UNC13C: variants seen among roughly 807,000 people sequenced by gnomAD.
UNC13C encodes unc-13 homolog C.
Under a neutral mutation model 245.4 loss-of-function variants are expected in UNC13C, and 174 were observed. The observed-to-expected ratio is 0.71, with a 90% CI of 0.63 to 0.80. The LOEUF (loss-of-function observed/expected upper bound fraction) is 0.80, where lower values mean the gene tolerates loss of function less well. UNC13C is among the 30% of genes least tolerant of loss of function. The probability of loss-of-function intolerance (pLI) is 0.00; values close to 1 mark genes in which losing one functional copy is unlikely to be tolerated. For synonymous variants in UNC13C, 992 were observed against 895.1 expected, an observed-to-expected ratio of 1.11 and a Z score of -1.93; for missense variants, 2,829 against 2,602.9, an observed-to-expected ratio of 1.09 and a Z score of -1.89.
intron 13 of UNC13C, among the ~76,000 whole-genome samples, chr15:54,316,372 A>C (rs1194240166): frequency 1.3e-5 from 2 of 151,676 alleles, no homozygotes; most frequent in African/African-American, 2.4e-5. Flanking sequence ...TCTGGAATAC[A>C]TTCTTTATCC....
chr15:54,238,377 T>C (rs1204158725), intron 7 of UNC13C, among the ~76,000 whole-genome samples: 1 of 152,074 alleles, frequency 6.6e-6, no homozygotes, highest in Non-Finnish European at 1.5e-5. Context: ...CCGGCCCTTT[T>C]ATAGCATTTA....
At chr15:54,199,054 A>T (rs569382870) in intron 4 of UNC13C, among the ~76,000 whole-genome samples, 20 of 151,944 alleles carry the variant, frequency 1.3e-4, no homozygotes, top group Non-Finnish European at 2.9e-4. Flanking sequence ...TACACTGGAA[A>T]CTCTCAGCAA....
intron 2 of UNC13C, among the ~76,000 whole-genome samples, chr15:54,027,242 T>A (rs1896150102): frequency 6.6e-6 from 1 of 152,044 alleles, no homozygotes; most frequent in Admixed American, 6.5e-5. Context: ...AGAGGCCACC[T>A]TTTCTGTGTC....
Position 54,325,584 on chromosome 15 carries a change from C to T in UNC13C, c.4425+3489C>T, listed in dbSNP as rs1000981074. 4.6e-5 allele frequency among the ~76,000 whole-genome samples: 7 copies of T among 152,018 alleles called. No individual in the cohort carries two copies. In the East Asian group the frequency reaches 5.8e-4, roughly 13 times the overall value. On this transcript the variant is annotated intron_variant, in intron 14 of 32. Coordinates refer to ENST00000260323, the MANE Select transcript of UNC13C (RefSeq NM_001080534.3). ...CAGCCCCTCACCCCTCGACAGGCCC[C>T]GGTGTGTGATGTTCCCCTCCCTGCA... is the stretch of plus-strand genomic sequence containing the variant.
chr15:54,510,991 G>A (rs1359232130), intron 23 of UNC13C, among the ~76,000 whole-genome samples: 2 of 152,074 alleles, frequency 1.3e-5, no homozygotes, highest in Non-Finnish European at 2.9e-5. Context: ...TGGCTCCTTG[G>A]AAACAAGTGG....
At chr15:54,348,892 C>A (rs967823741) in intron 17 of UNC13C, among the ~76,000 whole-genome samples, 8 of 151,590 alleles carry the variant, frequency 5.3e-5, no homozygotes, top group Non-Finnish European at 1.2e-4. Context: ...ATAATATGTC[C>A]CTGACTTTTC....
At chr15:54,126,628 C>G (rs1006710544) in intron 2 of UNC13C, among the ~76,000 whole-genome samples, 6 of 152,066 alleles carry the variant, frequency 3.9e-5, no homozygotes, top group African/African-American at 1.4e-4. Context: ...GTAGGCAATA[C>G]CATTCAGGAT....
intron 26 of UNC13C, among the ~76,000 whole-genome samples, chr15:54,538,823 C>T: frequency 6.6e-6 from 1 of 151,894 alleles, no homozygotes; most frequent in East Asian, 1.9e-4. Flanking sequence ...AAGAAGGGAA[C>T]AATAGACACT....
chr15:54,474,175 AG>A (rs1892606163), intron 19 of UNC13C, among the ~76,000 whole-genome samples: 1 of 151,748 alleles, frequency 6.6e-6, no homozygotes, highest in Non-Finnish European at 1.5e-5. Context: ...TTTTTTTGGG[AG>A]GGGTGGTAAA....
At chr15:54,529,537 C>T (rs1255219161) in intron 25 of UNC13C, among the ~76,000 whole-genome samples, 1 of 151,988 alleles carries the variant, frequency 6.6e-6, no homozygotes, top group Non-Finnish European at 1.5e-5. Context: ...ATCTTCAGCA[C>T]CTAGAACAGT....
chr15:54,455,189 CTCTCTCTCTCTCTCTCTATA>C (rs1258425086), intron 19 of UNC13C, among the ~76,000 whole-genome samples: 3 of 46,412 alleles, frequency 6.5e-5, no homozygotes, highest in African/African-American at 2.2e-4. Context: ...CTCTCTCTCT[CTCTCTCTCTCTCTCTCTATA>C]TATATATATA....
intron 30 of UNC13C, among the ~76,000 whole-genome samples, chr15:54,592,903 C>G (rs534718196): frequency 1.2e-4 from 17 of 137,098 alleles, no homozygotes; most frequent in African/African-American, 4.6e-4. Flanking sequence ...TTGTATAGGT[C>G]TTGTGTAATT....
chr15:54,607,415 T>G (rs1211357202), intron 30 of UNC13C, among the ~76,000 whole-genome samples: 2 of 152,214 alleles, frequency 1.3e-5, no homozygotes, highest in South Asian at 4.1e-4. Flanking sequence ...AGAAAAAATA[T>G]TATTAATCCT....
At chr15:54,350,517 C>G (rs187974805) in intron 17 of UNC13C, among the ~76,000 whole-genome samples, 2 of 152,208 alleles carry the variant, frequency 1.3e-5, no homozygotes, top group Non-Finnish European at 2.9e-5. Flanking sequence ...AGGTTCTAAC[C>G]TCTCCTCCAA....
intron 8 of UNC13C, among the ~76,000 whole-genome samples, chr15:54,259,676 A>G (rs2036373829): frequency 6.6e-6 from 1 of 152,028 alleles, no homozygotes; most frequent in African/African-American, 2.4e-5. Context: ...GGTACTGTGC[A>G]CTTTTACCTT....
intron 2 of UNC13C, among the ~76,000 whole-genome samples, chr15:54,037,932 C>T (rs940603553): frequency 3.3e-5 from 5 of 150,270 alleles, no homozygotes; most frequent in Non-Finnish European, 7.4e-5. Flanking sequence ...AGTGTAAAAG[C>T]AATGGAGGTT....
the UNC13C span, among the ~76,000 whole-genome samples, chr15:53,879,728 C>T: frequency 6.6e-6 from 1 of 152,138 alleles, no homozygotes; most frequent in African/African-American, 2.4e-5. Flanking sequence ...GCTGGGATTA[C>T]AGGCATCCAC....
chr15:53,851,256 T>C, the UNC13C span, among the ~76,000 whole-genome samples: 68,554 of 151,920 alleles, frequency 0.45, 15,891 homozygotes, highest in Middle Eastern at 0.59. Flanking sequence ...TCTGAATGTT[T>C]AGATTTTGTT....
intron 28 of UNC13C, among the ~76,000 whole-genome samples, chr15:54,555,093 C>T (rs1460357634): frequency 6.6e-6 from 1 of 151,878 alleles, no homozygotes; most frequent in African/African-American, 2.4e-5. Context: ...ATTGATAGTC[C>T]TCAACGTGAC....
Sources: allele counts gnomAD v4.1 joint callset (sites outside exome capture counted in the v4.1 genomes callset), GRCh38; gene constraint gnomAD v4.1.1; transcripts MANE v1.5; gene names NCBI Gene and HGNC (gene_info 2026-07-23, HGNC 2026-07-21).